The following DPP8 variants were observed in gnomAD, a reference collection of about 807,000 sequenced individuals.
The protein encoded by DPP8 is dipeptidyl peptidase 8.
DPP8 carries 31 observed loss-of-function variants against 107.5 expected under a neutral mutation model. The ratio of observed to expected loss-of-function variants is 0.29; its 90% confidence interval spans 0.22 to 0.39. The LOEUF is 0.39. DPP8 is among the 10% of genes least tolerant of loss of function. The pLI, the probability that DPP8 is intolerant of heterozygous loss-of-function variation, is 1.00. For synonymous variants in DPP8, 381 were observed against 356.6 expected (o/e 1.07, Z -0.77); for missense variants, 842 against 1,076.1 (o/e 0.78, Z 3.04).
Position 65,512,463 on chromosome 15 carries a change from T to G in DPP8, c.91A>C (p.Lys31Gln). The change falls in exon 2 of 20, where the codon AAA becomes CAA. Residue 31 changes from lysine to glutamine, a missense_variant. Lys to Gln is a moderately conservative substitution (Grantham distance 53). Coordinates refer to ENST00000300141, the MANE Select transcript of DPP8 (RefSeq NM_130434.5). Reference protein sequence around the residue: ...EENIESQDRPKLEPFYVERYS... With the variant: ...EENIESQDRPQLEPFYVERYS... ...CGCTCAACATAAAAAGGCTCCAATT[T>G]AGGCCGATCCTGTGATTCAATATTC... 1 of 1,614,218 alleles carries G rather than the reference T, an allele frequency of 6.2e-7. No individual in the cohort carries two copies. The highest frequency in any genetic ancestry group is 1.1e-5 in the South Asian group (1 of 91,086).
chr15:65,456,034 T>TC (rs1367466473), intron 16 of DPP8, among the ~76,000 whole-genome samples, 191 bp downstream of exon 16: 1 of 152,112 alleles, frequency 6.6e-6, no homozygotes, highest in African/African-American at 2.4e-5. Flanking sequence ...CTATCTCAGT[T>TC]CCCCAAAGTT....
intron 12 of DPP8, among the ~76,000 whole-genome samples, chr15:65,471,284 A>T: frequency 6.6e-6 from 1 of 152,208 alleles, no homozygotes; most frequent in East Asian, 1.9e-4. Flanking sequence ...TATAACAAGA[A>T]GGCCACTTGA....
intron 2 of DPP8, chr15:65,511,922 C>T (rs1225858828): frequency 3.1e-6 from 1 of 327,120 alleles, no homozygotes; most frequent in Non-Finnish European, 6.1e-6. Flanking sequence ...GAAGAAGAGA[C>T]CAAAAACAGC....
chr15:65,488,944 A>G (rs945162844), intron 6 of DPP8, among the ~76,000 whole-genome samples: 2 of 152,018 alleles, frequency 1.3e-5, no homozygotes, highest in Admixed American at 6.6e-5. Flanking sequence ...TTTTATAGCA[A>G]CACATTAAGG....
chr15:65,494,452 G>A (rs369391145), intron 5 of DPP8, among the ~76,000 whole-genome samples: 34 of 150,760 alleles, frequency 2.3e-4, no homozygotes, highest in African/African-American at 8.0e-4. Flanking sequence ...TGAACTCCTG[G>A]GCTCAAGAGC....
At chr15:65,508,464 G>A (rs925803946) in intron 2 of DPP8, among the ~76,000 whole-genome samples, 2 of 152,028 alleles carry the variant, frequency 1.3e-5, no homozygotes, top group Admixed American at 1.3e-4. Context: ...GCAGTGTAGA[G>A]TGAGTTACAT....
chr15:65,510,559 G>A (rs1184660113), intron 2 of DPP8, among the ~76,000 whole-genome samples: 1 of 151,360 alleles, frequency 6.6e-6, no homozygotes, highest in Non-Finnish European at 1.5e-5. Context: ...CTTTACTTGA[G>A]ACGAAGTCTC....
chr15:65,515,519 A>T, intron 1 of DPP8: 1 of 673,344 alleles, frequency 1.5e-6, no homozygotes, highest in Non-Finnish European at 2.6e-6. Flanking sequence ...TTATATACAA[A>T]CACATTCTCA....
At chr15:65,461,052 T>A (rs776331933) in intron 15 of DPP8, among the ~76,000 whole-genome samples, 1 of 152,224 alleles carries the variant, frequency 6.6e-6, no homozygotes, top group Non-Finnish European at 1.5e-5. Context: ...TATCTCACAG[T>A]GGCTTTGATT....
Position 65,454,307 on chromosome 15 carries a change from A to G in DPP8, c.2227T>C (p.Tyr743His). 6.3e-7 allele frequency: 1 copy of G among 1,587,604 alleles called. No homozygotes were observed. Among genetic ancestry groups the G allele is most frequent in the Non-Finnish European group, 8.5e-7 (1 of 1,171,306 alleles). ...VGIHGWSYGG[Y>H]LSLMALMQRS... ...TGCATTAATGCCATCAGGGAGAGGT[A>G]TCCTCCATAGGACCAGCCGTGGATG... The change falls in exon 17 of 20, where the codon TAC becomes CAC. Residue 743 changes from tyrosine to histidine, a missense_variant. Tyr to His is a moderately conservative substitution (Grantham distance 83). This residue lies in a region of DPP8 where 179 missense variants were observed against 318.0 expected (regional missense o/e 0.56). Coordinates refer to ENST00000300141, the MANE Select transcript of DPP8 (RefSeq NM_130434.5).
rs1489287519 is a variant in DPP8 at position 65,448,883 on chromosome 15, T to A, written c.2527-1877A>T. ...TATCTAAAATATATATATATATATA[T>A]ATATATATATATATATATATATATA... On this transcript the variant is annotated intron_variant, in intron 19 of 19. Coordinates refer to ENST00000300141, the MANE Select transcript of DPP8 (RefSeq NM_130434.5). Among the ~76,000 whole-genome samples, 7 of 51,820 alleles carry A rather than the reference T, an allele frequency of 1.4e-4. 2 individuals are homozygous for A. The highest frequency in any genetic ancestry group is 5.1e-4 in the African/African-American group (7 of 13,754). The allele number at this position is 51,820 out of a possible 152,430, so 34.0% of individuals were successfully genotyped here. A position where few individuals can be genotyped will look rare whatever the true frequency, so the allele number is the denominator to read the frequency against.
intron 12 of DPP8, among the ~76,000 whole-genome samples, chr15:65,467,463 C>A (rs1010537618): frequency 5.3e-5 from 8 of 152,258 alleles, no homozygotes; most frequent in Admixed American, 3.9e-4. Context: ...CTCACTGCAG[C>A]TTCAAAATCC....
chr15:65,452,123 A>C, intron 17 of DPP8, 21 bp from the exon 18 acceptor site: 1 of 1,593,080 alleles, frequency 6.3e-7, no homozygotes, highest in Non-Finnish European at 8.5e-7. Context: ...TGACATTGAC[A>C]GTCAAGTGTG....
At chr15:65,477,822 G>A (rs1211187463) in intron 11 of DPP8, among the ~76,000 whole-genome samples, 2 of 152,126 alleles carry the variant, frequency 1.3e-5, no homozygotes, top group Middle Eastern at 3.4e-3. Flanking sequence ...GTGAGCCACC[G>A]TGCCGGGCCT....
Position 65,512,454 on chromosome 15 carries a change from G to A in DPP8, c.100C>T (p.Pro34Ser). 6.2e-7 allele frequency: 1 copy of A among 1,614,098 alleles called. No homozygotes were observed. The highest frequency in any genetic ancestry group is 1.7e-5 in the Admixed American group (1 of 60,016). Residue 34 changes from proline to serine, a missense_variant, in exon 2 of 20, where the codon CCT becomes TCT. Physicochemically the swap from Pro to Ser is moderately conservative, Grantham distance 74. Transcript: ENST00000300141. ...IESQDRPKLE[P>S]FYVERYSWSQ... ...CAGGAATACCGCTCAACATAAAAAG[G>A]CTCCAATTTAGGCCGATCCTGTGAT...
intron 5 of DPP8, among the ~76,000 whole-genome samples, chr15:65,496,455 A>T (rs2068610643): frequency 6.6e-6 from 1 of 152,188 alleles, no homozygotes; most frequent in South Asian, 2.1e-4. Context: ...AGAAAAAGCA[A>T]TACACTATTT....
Position 65,515,598 on chromosome 15 carries a change from T to G in DPP8, c.-12+1888A>C, listed in dbSNP as rs74621314. The G allele has an allele frequency of 4.5e-5, 66 of 1,456,066 alleles. No homozygotes were observed. The East Asian group carries it at 1.5e-3, about 32-fold the overall frequency. The allele number at this position is 1,456,066 out of a possible 1,614,324, so 90.2% of individuals were successfully genotyped here. A position where few individuals can be genotyped will look rare whatever the true frequency, so the allele number is the denominator to read the frequency against. ...GGGTCAGTGTACCTTCTCAGCACAG[T>G]GCATATATTTCACTGCCCCACCTAC... On this transcript the variant is annotated intron_variant, in intron 1 of 19. Transcript: ENST00000300141.
At chr15:65,470,149 C>T (rs757756730) in intron 12 of DPP8, among the ~76,000 whole-genome samples, 4 of 130,228 alleles carry the variant, frequency 3.1e-5, no homozygotes, top group East Asian at 2.4e-4. Flanking sequence ...GAGCTGAGAT[C>T]GCACTACTGC....
At chr15:65,499,105 G>GTGTGTGTA (rs1555468189) in intron 4 of DPP8, among the ~76,000 whole-genome samples, 27,520 of 137,958 alleles carry the variant, frequency 0.2, 3,485 homozygotes, top group Admixed American at 0.29. Flanking sequence ...GTGTGTGTGT[G>GTGTGTGTA]TATATATAAA....
Sources: gnomAD v4.1 joint callset for allele counts (sites outside exome capture counted in the v4.1 genomes callset) on GRCh38, gnomAD v4.1.1 for gene constraint, gnomAD v4.1.1 regional missense constraint, MANE v1.5 for transcripts, NCBI Gene and HGNC (gene_info 2026-07-23, HGNC 2026-07-21) for gene names.